Variants in LEMD1 observed in about 807,000 individuals in gnomAD.
LEMD1 encodes LEM domain containing 1.
A neutral mutation model predicts 17.4 loss-of-function variants in LEMD1; 18 were observed. The ratio of observed to expected loss-of-function variants is 1.04; its 90% CI spans 0.72 to 1.54. The LOEUF (loss-of-function observed/expected upper bound fraction) is 1.54. LEMD1 is among the 40% of genes most tolerant of loss of function. LEMD1 has a pLI of 0.00. For synonymous variants in LEMD1, 88 were observed against 77.8 expected (o/e 1.13, Z -0.69); for missense variants, 195 against 210.4 (o/e 0.93, Z 0.45).
intron 3 of LEMD1, among the ~76,000 whole-genome samples, chr1:205,418,816 G>A (rs960675030): frequency 6.6e-6 from 1 of 152,112 alleles, no homozygotes; most frequent in African/African-American, 2.4e-5. Flanking sequence ...CATCAGTGTG[G>A]CTCATCTTTC....
At chr1:205,434,655 G>T (rs1666176260) in intron 1 of LEMD1, among the ~76,000 whole-genome samples, 1 of 152,056 alleles carries the variant, frequency 6.6e-6, no homozygotes, top group Non-Finnish European at 1.5e-5. Context: ...CACAACGGAG[G>T]CTCACGGAGT....
rs112593147 is a variant in LEMD1 at position 205,384,249 on chromosome 1, A to G, written c.347+39T>C. On this transcript the variant is annotated intron_variant, in intron 5 of 5. Transcript: ENST00000367153. ...GTTTTTTCCAGAGCTACAGAATACA[A>G]TAATATCAATTTCCACATATGCTAA... 495 of 1,235,118 alleles carry G rather than the reference A, an allele frequency of 4.0e-4. No individual in the cohort carries two copies. The African/African-American group carries it at 5.5e-3, about 14-fold the overall frequency. The allele number at this position is 1,235,118 out of a possible 1,614,324, so 76.5% of individuals were successfully genotyped here. A position where few individuals can be genotyped will look rare whatever the true frequency, so the allele number is the denominator to read the frequency against.
chr1:205,396,714 G>A (rs1313823699), intron 4 of LEMD1, among the ~76,000 whole-genome samples: 1 of 152,156 alleles, frequency 6.6e-6, no homozygotes, highest in African/African-American at 2.4e-5. Flanking sequence ...TCATTTAAAT[G>A]AAATACAAAA....
At chr1:205,390,122 A>AG (rs1664260138) in intron 4 of LEMD1, among the ~76,000 whole-genome samples, 1 of 152,190 alleles carries the variant, frequency 6.6e-6, no homozygotes, top group African/African-American at 2.4e-5. Flanking sequence ...TGGGAGGACG[A>AG]GTCAGGTGGA....
rs921561225 is a variant in LEMD1, at chr1:205,448,078, C to T, written c.-39+1790G>A. Among the ~76,000 whole-genome samples the T allele has an allele frequency of 2.0e-5, 3 of 152,198 alleles. No individual in the cohort carries two copies. The highest frequency in any genetic ancestry group is 7.2e-5 in the African/African-American group (3 of 41,452). On this transcript the variant is annotated intron_variant, in intron 1 of 3. Coordinates refer to the LEMD1 transcript ENST00000367154. The surrounding 1 kb of genome is among the most constrained non-coding windows in gnomAD (Gnocchi z 4.7). ...GCACACCCTGAAGGTCTCCTTCCTT[C>T]CTCAGAGGGAATCTCCCTCTGGAAT...
chr1:205,422,926 G>C (rs907664205), upstream of LEMD1, among the ~76,000 whole-genome samples: 1 of 152,076 alleles, frequency 6.6e-6, no homozygotes, highest in Non-Finnish European at 1.5e-5. Flanking sequence ...TCCATAATGG[G>C]GGATAATAAA....
At chr1:205,392,173 C>T (rs1480195460) in intron 4 of LEMD1, among the ~76,000 whole-genome samples, 3 of 152,024 alleles carry the variant, frequency 2.0e-5, no homozygotes, top group Admixed American at 1.3e-4. Context: ...TAGACACTGA[C>T]ATCAAGATGA....
At chr1:205,407,286 C>T (rs6675173) in intron 4 of LEMD1, among the ~76,000 whole-genome samples, 44,923 of 145,708 alleles carry the variant, frequency 0.31, 7,238 homozygotes, top group African/African-American at 0.38. Context: ...GCTGAAATCG[C>T]ACCATTGCAC....
At position 205,394,453 on chromosome 1, in the gene LEMD1, C is replaced by A. The variant is rs184468366; in HGVS notation, c.271-10089G>T. Among the ~76,000 whole-genome samples the A allele has an allele frequency of 2.1e-3, 321 of 152,122 alleles. 2 individuals carry two copies. The highest frequency in any genetic ancestry group is 7.1e-3 in the African/African-American group (295 of 41,524). ...AGGCTGGAGTGCAATGGCACAATCT[C>A]GGCTCACCACAACCTCCACCTCCCG... On this transcript the variant is annotated intron_variant, in intron 4 of 5. Transcript: ENST00000367153.
At chr1:205,440,323 G>A (rs1369610909) in intron 1 of LEMD1, among the ~76,000 whole-genome samples, 1 of 152,226 alleles carries the variant, frequency 6.6e-6, no homozygotes, top group African/African-American at 2.4e-5. Flanking sequence ...CGGAGCCACT[G>A]GCCACCTCTG....
chr1:205,426,541 G>A (rs535175397), upstream of LEMD1, among the ~76,000 whole-genome samples: 154 of 152,316 alleles, frequency 1.0e-3, no homozygotes, highest in South Asian at 5.0e-3. Context: ...CTCAGAGTGG[G>A]AAGAACAAGT....
At chr1:205,421,231 C>G (rs1425847421) in intron 1 of LEMD1, among the ~76,000 whole-genome samples, 1 of 152,162 alleles carries the variant, frequency 6.6e-6, no homozygotes, top group Non-Finnish European at 1.5e-5. Flanking sequence ...TCCAAATCTG[C>G]ACAACCTCAA....
intron 4 of LEMD1, among the ~76,000 whole-genome samples, chr1:205,390,493 AC>A (rs1346381921): frequency 6.6e-6 from 1 of 152,212 alleles, no homozygotes; most frequent in Non-Finnish European, 1.5e-5. Flanking sequence ...TAAAATCAGG[AC>A]CAAGGAAAGA....
At chr1:205,404,094 C>T (rs1179263122) in intron 4 of LEMD1, among the ~76,000 whole-genome samples, 1 of 152,114 alleles carries the variant, frequency 6.6e-6, no homozygotes, top group African/African-American at 2.4e-5. Context: ...TGTTCTTTTA[C>T]ATTTGCTGAG....
intron 4 of LEMD1, among the ~76,000 whole-genome samples, chr1:205,411,296 A>G (rs150193367): frequency 0.011 from 1,725 of 151,910 alleles, 29 homozygotes; most frequent in African/African-American, 0.039. Flanking sequence ...GGCCAGGCGC[A>G]GTGGCTCACG....
At chr1:205,415,352 T>C (rs577439667) in intron 4 of LEMD1, among the ~76,000 whole-genome samples, 1 of 151,938 alleles carries the variant, frequency 6.6e-6, no homozygotes, top group Non-Finnish European at 1.5e-5. Context: ...GAAGCGTGTG[T>C]GGGGACGCCG....
intron 4 of LEMD1, among the ~76,000 whole-genome samples, chr1:205,391,663 G>A (rs1007705569): frequency 3.9e-5 from 6 of 152,262 alleles, no homozygotes; most frequent in Non-Finnish European, 8.8e-5. Flanking sequence ...CAGCAGCCCA[G>A]GAGTAAGGAG....
At chr1:205,384,945 G>A (rs11581020) in intron 4 of LEMD1, among the ~76,000 whole-genome samples, 20,726 of 151,204 alleles carry the variant, frequency 0.14, 1,540 homozygotes, top group East Asian at 0.24. Flanking sequence ...ACCTGCGAGG[G>A]AGCACTCCAC....
chr1:205,443,898 T>C (rs2102469176), intron 1 of LEMD1, among the ~76,000 whole-genome samples: 1 of 151,954 alleles, frequency 6.6e-6, no homozygotes, highest in African/African-American at 2.4e-5. Flanking sequence ...ACCTGGGGAG[T>C]CCCTCTGCCA....
Sources: allele counts gnomAD v4.1 joint callset (sites outside exome capture counted in the v4.1 genomes callset), GRCh38; gene constraint gnomAD v4.1.1; non-coding constraint Gnocchi (gnomAD v3.1); transcripts MANE v1.5; gene names NCBI Gene and HGNC (gene_info 2026-07-23, HGNC 2026-07-21).